The following KLF12 variants were observed in gnomAD, a reference collection of about 807,000 sequenced individuals.
KLF12 encodes the protein Krueppel-like factor 12.
A neutral mutation model predicts 37.8 loss-of-function variants in KLF12; 9 were observed. The ratio of observed to expected loss-of-function variants is 0.24; its 90% CI spans 0.14 to 0.42. The LOEUF is 0.42. KLF12 is among the 10% of genes least tolerant of loss of function. The pLI is 1.00. For synonymous variants in KLF12, 208 were observed against 202.1 expected (o/e 1.03, Z -0.25); for missense variants, 411 against 516.0 (o/e 0.80, Z 1.97).
chr13:74,189,453 T>C, the KLF12 span, among the ~76,000 whole-genome samples: 1 of 152,222 alleles, frequency 6.6e-6, no homozygotes, highest in African/African-American at 2.4e-5. Context: ...AACTCGTGTA[T>C]TGGACTTTGT....
At chr13:74,262,447 T>C in the KLF12 span, among the ~76,000 whole-genome samples, 2 of 152,348 alleles carry the variant, frequency 1.3e-5, no homozygotes, top group Admixed American at 6.5e-5. Flanking sequence ...AAGGACCTTC[T>C]CTGGATACCA....
At position 73,694,395 on chromosome 13, in the gene KLF12, GTGT is replaced by G. The variant is rs1358916263; in HGVS notation, c.*1092_*1094del. ...GAACCAAGACACCTAAAATGCTGGG[GTGT>G]TTTTTACAATCCCTTTAGTAAGTAT... On this transcript the variant is annotated 3_prime_UTR_variant, in exon 8 of 8. Transcript: ENST00000377669. 7.9e-5 allele frequency: 12 copies of G among 152,622 alleles called. 1 individual carries two copies. The highest frequency in any genetic ancestry group is 1.5e-4 in the Non-Finnish European group (10 of 68,032). The allele number at this position is 152,622 out of a possible 1,614,324, so 9.5% of individuals were successfully genotyped here. A position where few individuals can be genotyped will look rare whatever the true frequency, so the allele number is the denominator to read the frequency against.
the KLF12 span, among the ~76,000 whole-genome samples, chr13:74,193,741 C>T: frequency 6.6e-6 from 1 of 152,160 alleles, no homozygotes; most frequent in Non-Finnish European, 1.5e-5. Flanking sequence ...AAGAAACCAA[C>T]ATTATAAGCC....
chr13:74,272,272 A>G, the KLF12 span, among the ~76,000 whole-genome samples: 2 of 152,216 alleles, frequency 1.3e-5, no homozygotes, highest in Non-Finnish European at 2.9e-5. Flanking sequence ...TATAAAGGCT[A>G]AACATACATG....
chr13:74,251,162 T>G, the KLF12 span, among the ~76,000 whole-genome samples: 1 of 151,318 alleles, frequency 6.6e-6, no homozygotes, highest in African/African-American at 2.4e-5. Flanking sequence ...TCTTTTTTTG[T>G]TTTTTTTGAG....
intron 2 of KLF12, among the ~76,000 whole-genome samples, chr13:73,981,454 G>A (rs1301489345): frequency 2.6e-5 from 4 of 152,018 alleles, no homozygotes; most frequent in African/African-American, 9.7e-5. Flanking sequence ...TTACCTATAC[G>A]CATCAATGTG....
At chr13:74,203,829 GA>G in the KLF12 span, among the ~76,000 whole-genome samples, 1 of 152,110 alleles carries the variant, frequency 6.6e-6, no homozygotes, top group Non-Finnish European at 1.5e-5. Context: ...ACCAATATAG[GA>G]GGCAGTTTGC....
At chr13:74,168,646 G>A in the KLF12 span, among the ~76,000 whole-genome samples, 1 of 152,286 alleles carries the variant, frequency 6.6e-6, no homozygotes, top group South Asian at 2.1e-4. Context: ...CAAGGCTATC[G>A]CTGGCAATTT....
At chr13:73,836,613 G>A (rs1884447985) in intron 4 of KLF12, among the ~76,000 whole-genome samples, 1 of 152,076 alleles carries the variant, frequency 6.6e-6, no homozygotes, top group South Asian at 2.1e-4. Context: ...GAATTCCCTT[G>A]TAGCATAACA....
the KLF12 span, among the ~76,000 whole-genome samples, chr13:74,146,712 T>A: frequency 6.6e-5 from 10 of 152,226 alleles, no homozygotes; most frequent in Non-Finnish European, 8.8e-5. Context: ...TTACAATATA[T>A]GTATAAAAAT....
intron 1 of KLF12, among the ~76,000 whole-genome samples, chr13:74,019,070 A>T (rs566104621): frequency 1.3e-5 from 2 of 152,352 alleles, no homozygotes; most frequent in African/African-American, 4.8e-5. Context: ...ATAACATATT[A>T]GAGGTCTACA....
At chr13:74,050,901 C>T (rs1872877350) in intron 1 of KLF12, among the ~76,000 whole-genome samples, 2 of 152,104 alleles carry the variant, frequency 1.3e-5, no homozygotes, top group South Asian at 4.1e-4. Context: ...AGACATTTCT[C>T]AAAAGACGTA....
Position 73,908,455 on chromosome 13 carries a change from C to A in KLF12, c.123+35526G>T, listed in dbSNP as rs918138866. ...TTAACCTTTCTGATTAATCTTTAAC[C>A]CTCCTAAAGGTTTTCATTTTCTTTT... On this transcript the variant is annotated intron_variant, in intron 3 of 7. Transcript: ENST00000377669. 2.0e-4 allele frequency among the ~76,000 whole-genome samples: 30 copies of A among 150,974 alleles called. 1 individual carries two copies. Among genetic ancestry groups the A allele is most frequent in the African/African-American group, 7.3e-4 (30 of 41,168 alleles).
chr13:74,293,691 G>T, the KLF12 span, among the ~76,000 whole-genome samples: 1 of 152,164 alleles, frequency 6.6e-6, no homozygotes, highest in Admixed American at 6.5e-5. Context: ...CAAACGAGCA[G>T]TTCAAATGCC....
intron 4 of KLF12, among the ~76,000 whole-genome samples, chr13:73,826,510 G>A (rs1365926946): frequency 6.6e-6 from 1 of 152,028 alleles, no homozygotes; most frequent in Non-Finnish European, 1.5e-5. Flanking sequence ...TACATAAAAT[G>A]GCTATTTATT....
intron 4 of KLF12, among the ~76,000 whole-genome samples, chr13:73,815,140 T>C (rs1407040383): frequency 6.6e-6 from 1 of 152,168 alleles, no homozygotes; most frequent in African/African-American, 2.4e-5. Flanking sequence ...ATTTTCTTTG[T>C]ACCACCAGCT....
Position 73,695,466 on chromosome 13 carries a change from G to A in KLF12, c.*24C>T, listed in dbSNP as rs765306311. The A allele has an allele frequency of 6.2e-6, 10 of 1,608,134 alleles. No homozygotes were observed. In the African/African-American group the frequency reaches 1.1e-4, roughly 17 times the overall value. On this transcript the variant is annotated 3_prime_UTR_variant, in exon 8 of 8. Coordinates refer to ENST00000377669, the MANE Select transcript of KLF12 (RefSeq NM_007249.5). ...TGCCGCTAAGAGATCCAGCTCTTAC[G>A]CTCAGCTGGACAGGTAGCATTCCTC...
chr13:74,083,297 G>A (rs1483036949), intron 1 of KLF12, among the ~76,000 whole-genome samples: 3 of 152,144 alleles, frequency 2.0e-5, no homozygotes, highest in African/African-American at 7.2e-5. Context: ...CGGATCACTT[G>A]AGCCCAGAGA....
the KLF12 span, among the ~76,000 whole-genome samples, chr13:74,274,457 G>T: frequency 6.6e-6 from 1 of 152,008 alleles, no homozygotes; most frequent in Non-Finnish European, 1.5e-5. Flanking sequence ...ATTTCCTTAT[G>T]ACCAATTTTC....
Sources: allele counts gnomAD v4.1 joint callset (sites outside exome capture counted in the v4.1 genomes callset), GRCh38; gene constraint gnomAD v4.1.1; transcripts MANE v1.5; gene names NCBI Gene and HGNC (gene_info 2026-07-23, HGNC 2026-07-21).